SLC35F1: variants seen among roughly 807,000 people sequenced by gnomAD.
The protein encoded by SLC35F1 is solute carrier family 35 member F1, also known as chromosome 6 open reading frame 169.
SLC35F1 carries 14 observed loss-of-function variants against 48.7 expected under a neutral mutation model. That is an observed-to-expected ratio of 0.29 (90% confidence interval 0.19 to 0.45). SLC35F1 has a LOEUF of 0.45. Among genes scored for constraint, SLC35F1 ranks in the 20% least tolerant of loss-of-function variants. The pLI, the probability that SLC35F1 is intolerant of heterozygous loss-of-function variation, is 1.00. For synonymous variants in SLC35F1, 190 were observed against 202.2 expected (o/e 0.94, Z 0.51); for missense variants, 404 against 500.0 (o/e 0.81, Z 1.83).
At chr6:117,952,273 A>G (rs957081591) in intron 1 of SLC35F1, among the ~76,000 whole-genome samples, 1 of 151,858 alleles carries the variant, frequency 6.6e-6, no homozygotes, top group African/African-American at 2.4e-5. Context: ...CAAGAAGGTT[A>G]ATGTTTTAAG....
intron 1 of SLC35F1, among the ~76,000 whole-genome samples, chr6:118,019,799 G>C (rs193164197): frequency 6.6e-6 from 1 of 152,102 alleles, no homozygotes; most frequent in South Asian, 2.1e-4. Flanking sequence ...CTAAAAATTT[G>C]GCATTGTTTT....
intron 1 of SLC35F1, 100 bp from the exon 2 acceptor site, chr6:118,154,345 A>C (rs967931369): frequency 2.4e-5 from 22 of 935,204 alleles, no homozygotes; most frequent in Non-Finnish European, 3.3e-5. Flanking sequence ...AATTGCACTT[A>C]ATCCAGTGCA....
rs892487896 is a variant in SLC35F1, at chr6:117,923,634, T to C, written c.173+15735T>C. Among the ~76,000 whole-genome samples, 19 of 85,838 alleles carry C rather than the reference T, an allele frequency of 2.2e-4. 5 individuals carry two copies. The highest frequency in any genetic ancestry group is 6.7e-4 in the Admixed American group (5 of 7,456). The allele number at this position is 85,838 out of a possible 152,430, so 56.3% of individuals were successfully genotyped here. On this transcript the variant is annotated intron_variant, in intron 1 of 7. Transcript: ENST00000360388. ...ATATACATATGTATATATACATATA[T>C]GTACATATGTACATATGTACATATG...
chr6:118,276,658 A>G (rs1775921622), intron 5 of SLC35F1, among the ~76,000 whole-genome samples: 1 of 152,234 alleles, frequency 6.6e-6, no homozygotes, highest in African/African-American at 2.4e-5. Flanking sequence ...GGAATTATCT[A>G]GTTCAACTAT....
intron 2 of SLC35F1, among the ~76,000 whole-genome samples, chr6:118,210,469 A>G (rs1162306819): frequency 6.6e-6 from 1 of 152,346 alleles, no homozygotes; most frequent in East Asian, 1.9e-4. Flanking sequence ...AACGAAGTAC[A>G]AACAAAAGAG....
At chr6:118,245,465 G>T (rs1175691555) in intron 3 of SLC35F1, among the ~76,000 whole-genome samples, 3 of 152,198 alleles carry the variant, frequency 2.0e-5, no homozygotes, top group Admixed American at 2.0e-4. Flanking sequence ...AGTTGGATGT[G>T]CACCTGCTGT....
At chr6:118,204,071 G>A (rs1048356945) in intron 2 of SLC35F1, among the ~76,000 whole-genome samples, 6 of 151,398 alleles carry the variant, frequency 4.0e-5, no homozygotes, top group African/African-American at 9.7e-5. Flanking sequence ...TATCTAGGAT[G>A]GTCAGAGAAG....
chr6:118,217,328 G>T (rs1295665419), intron 2 of SLC35F1, among the ~76,000 whole-genome samples: 2 of 152,166 alleles, frequency 1.3e-5, no homozygotes, highest in African/African-American at 4.8e-5. Context: ...TCTGATACAT[G>T]TTGCAACATG....
chr6:118,158,479 C>A lies in SLC35F1; in HGVS notation c.349+3859C>A, dbSNP rs538215737. The stretch of plus-strand genomic sequence containing the variant: ...CAAGTTAGGTCTGAGCCACGTGTTG[C>A]CACTCTGGGCCACCTATCAGCATGA... On this transcript the variant is annotated intron_variant, in intron 2 of 7. Transcript: ENST00000360388. 2.0e-5 allele frequency among the ~76,000 whole-genome samples: 3 copies of A among 152,236 alleles called. No individual in the cohort carries two copies. In the East Asian group the frequency reaches 5.8e-4, roughly 29 times the overall value.
chr6:118,191,434 T>G (rs1317434905), intron 2 of SLC35F1, among the ~76,000 whole-genome samples: 25 of 152,172 alleles, frequency 1.6e-4, no homozygotes, highest in Admixed American at 1.6e-3. Context: ...GAAGTCTTGA[T>G]CTGTGATCTT....
intron 1 of SLC35F1, among the ~76,000 whole-genome samples, chr6:118,011,753 C>T (rs1383064924): frequency 2.6e-5 from 4 of 152,192 alleles, no homozygotes; most frequent in Non-Finnish European, 5.9e-5. Flanking sequence ...CAACCAGTAC[C>T]AGTTCATGGC....
At chr6:117,924,826 T>A (rs985273831) in intron 1 of SLC35F1, among the ~76,000 whole-genome samples, 6 of 152,134 alleles carry the variant, frequency 3.9e-5, no homozygotes, top group African/African-American at 1.4e-4. Flanking sequence ...TTTGATATCA[T>A]TTGTATTGCC....
At chr6:118,128,394 A>C (rs1454220756) in intron 1 of SLC35F1, among the ~76,000 whole-genome samples, 1,769 of 136,210 alleles carry the variant, frequency 0.013, no homozygotes, top group African/African-American at 0.016. Flanking sequence ...CACAATAGCA[A>C]AGACTTGGAA....
intron 7 of SLC35F1, among the ~76,000 whole-genome samples, chr6:118,297,247 C>T (rs1181077577): frequency 6.6e-6 from 1 of 152,112 alleles, no homozygotes; most frequent in Non-Finnish European, 1.5e-5. Flanking sequence ...TACCATACTT[C>T]CACACTTACT....
intron 3 of SLC35F1, among the ~76,000 whole-genome samples, chr6:118,238,473 T>G (rs181156647): frequency 2.2e-4 from 33 of 150,688 alleles, no homozygotes; most frequent in South Asian, 8.5e-4. Flanking sequence ...AATTTATTGA[T>G]TCTCATAACT....
chr6:118,172,690 A>C (rs1443548171), intron 2 of SLC35F1, among the ~76,000 whole-genome samples: 1 of 152,178 alleles, frequency 6.6e-6, no homozygotes, highest in East Asian at 1.9e-4. Flanking sequence ...CTGTCAAATA[A>C]AAAGTATTTA....
chr6:117,921,163 T>G (rs1169104092), intron 1 of SLC35F1, among the ~76,000 whole-genome samples: 1 of 152,046 alleles, frequency 6.6e-6, no homozygotes, highest in Non-Finnish European at 1.5e-5. Context: ...TTTTACTATG[T>G]TTTTTGGGAG....
chr6:118,250,695 C>T (rs1170727542), intron 3 of SLC35F1, among the ~76,000 whole-genome samples: 3 of 152,100 alleles, frequency 2.0e-5, no homozygotes, highest in Non-Finnish European at 1.5e-5. Context: ...TCATGGCAGC[C>T]AGGTGCAGTG....
chr6:117,983,862 G>A (rs1418279162), intron 1 of SLC35F1, among the ~76,000 whole-genome samples: 1 of 152,070 alleles, frequency 6.6e-6, no homozygotes, highest in African/African-American at 2.4e-5. Flanking sequence ...TAGGCATGTA[G>A]GTGAATCTAA....
Sources: allele counts gnomAD v4.1 joint callset (sites outside exome capture counted in the v4.1 genomes callset), GRCh38; gene constraint gnomAD v4.1.1; transcripts MANE v1.5; gene names NCBI Gene and HGNC (gene_info 2026-07-23, HGNC 2026-07-21).